The following QSER1 variants were observed in gnomAD, a reference collection of about 807,000 sequenced individuals.
QSER1 encodes the protein glutamine and serine rich 1, also known as glutamine and serine-rich protein 1.
In QSER1, 49 loss-of-function variants were observed where a neutral mutation model predicts 158.5. That is an observed-to-expected ratio of 0.31 (90% CI 0.25 to 0.39). The LOEUF is 0.39. QSER1 is among the 10% of genes least tolerant of loss of function. The probability of loss-of-function intolerance (pLI) is 1.00; values close to 1 mark genes in which losing one functional copy is unlikely to be tolerated. For missense variants in QSER1, 1,754 were observed against 2,010.3 expected (o/e 0.87, Z 2.44); for synonymous variants, 650 against 715.5 (o/e 0.91, Z 1.46).
At chr11:32,907,923 G>GACC (rs944895444) in intron 1 of QSER1, among the ~76,000 whole-genome samples, 48 of 152,150 alleles carry the variant, frequency 3.2e-4, no homozygotes, top group African/African-American at 1.1e-3. Context: ...AACATAGGGA[G>GACC]ACCCTCGTCT....
At chr11:32,971,690 G>A (rs1331300290) in intron 10 of QSER1, among the ~76,000 whole-genome samples, 2 of 152,150 alleles carry the variant, frequency 1.3e-5, no homozygotes, top group Admixed American at 1.3e-4. Context: ...TGCCAAAAGT[G>A]TTATTGTTTC....
At chr11:32,927,426 G>C (rs932835682) in intron 2 of QSER1, among the ~76,000 whole-genome samples, 157 bp downstream of exon 2, 2 of 152,090 alleles carry the variant, frequency 1.3e-5, no homozygotes, top group African/African-American at 4.8e-5. Context: ...TTTTATTTTT[G>C]ACATGGAGTC....
rs1436640374 is a variant in QSER1, at chr11:32,917,892, CTTGTT to C, written c.210-9260_210-9256del. On this transcript the variant is annotated intron_variant, in intron 1 of 12. Coordinates refer to ENST00000650167, the MANE Select transcript of QSER1 (RefSeq NM_001076786.3). ...TCTGTGACTTATGATGTGGAGCTCTCTTGTTTTGTGCTTCAGTAATTAATATCATT... is the reference window on the plus strand; with the variant it reads ...TCTGTGACTTATGATGTGGAGCTCTCTTGTGCTTCAGTAATTAATATCATT... 1.0e-4 allele frequency among the ~76,000 whole-genome samples: 15 copies of C among 150,280 alleles called. 1 individual carries two copies. In the South Asian group the frequency reaches 3.2e-3, roughly 32 times the overall value.
intron 4 of QSER1, among the ~76,000 whole-genome samples, chr11:32,948,330 A>T (rs1852369354): frequency 2.0e-5 from 3 of 152,234 alleles, no homozygotes; most frequent in African/African-American, 7.2e-5. Context: ...ACTCACTCTT[A>T]ACCTCTAGAG....
intron 6 of QSER1, 36 bp from the exon 7 acceptor site, chr11:32,955,952 G>A: frequency 6.4e-7 from 1 of 1,573,882 alleles, no homozygotes; most frequent in Non-Finnish European, 8.7e-7. Context: ...TATCTAGATT[G>A]TTCAATTATG....
intron 9 of QSER1, among the ~76,000 whole-genome samples, chr11:32,966,789 A>G (rs1852757064): frequency 1.3e-5 from 2 of 152,240 alleles, no homozygotes; most frequent in African/African-American, 4.8e-5. Context: ...TGAACCAGAT[A>G]AAAGTGGCAT....
Position 32,977,607 on chromosome 11 carries a change from C to G in QSER1, c.*1133C>G, listed in dbSNP as rs891155481. 6.6e-6 allele frequency: 1 copy of G among 152,596 alleles called. No individual in the cohort carries two copies. The highest frequency in any genetic ancestry group is 2.4e-5 in the African/African-American group (1 of 41,450). The allele number at this position is 152,596 out of a possible 1,614,324, so 9.5% of individuals were successfully genotyped here. ...TCTTAGAACTGGAAGTTGTAGAGCTCTCCTTTTGGTGCCTTTCCAGCCTTT... is the reference window on the plus strand; with the variant it reads ...TCTTAGAACTGGAAGTTGTAGAGCTGTCCTTTTGGTGCCTTTCCAGCCTTT... On this transcript the variant is annotated 3_prime_UTR_variant, in exon 13 of 13. Coordinates refer to ENST00000650167, the MANE Select transcript of QSER1 (RefSeq NM_001076786.3).
rs532497305 is a variant in QSER1, at chr11:32,962,054, C to G, written c.4969+3968C>G. Among the ~76,000 whole-genome samples the G allele has an allele frequency of 2.6e-5, 4 of 152,268 alleles. No individual in the cohort carries two copies. In the East Asian group the frequency reaches 7.7e-4, roughly 29 times the overall value. Reference sequence around the variant, plus strand: ...TCCTATGTTTAGCCTTTAGAGGAACCATCAAACTGTTTTCCACATGGTTAC... The same window carrying G: ...TCCTATGTTTAGCCTTTAGAGGAACGATCAAACTGTTTTCCACATGGTTAC... On this transcript the variant is annotated intron_variant, in intron 8 of 12. Coordinates refer to ENST00000650167, the MANE Select transcript of QSER1 (RefSeq NM_001076786.3).
intron 5 of QSER1, among the ~76,000 whole-genome samples, chr11:32,954,728 C>G (rs1852482983): frequency 6.6e-6 from 1 of 151,970 alleles, no homozygotes; most frequent in Non-Finnish European, 1.5e-5. Context: ...CTATGTTGAC[C>G]AGGCTGGTCT....
intron 7 of QSER1, among the ~76,000 whole-genome samples, chr11:32,957,286 C>T (rs944955738): frequency 2.0e-5 from 3 of 151,640 alleles, no homozygotes; most frequent in Non-Finnish European, 2.9e-5. Flanking sequence ...GGACTACAGG[C>T]GCCCGCCACC....
intron 4 of QSER1, among the ~76,000 whole-genome samples, chr11:32,940,542 G>A: frequency 6.6e-6 from 1 of 151,906 alleles, no homozygotes; most frequent in South Asian, 2.1e-4. Context: ...TTTTTTTTCT[G>A]TTCATCCTAG....
At position 32,933,497 on chromosome 11, in the gene QSER1, G is replaced by C. The variant is rs911899724; in HGVS notation, c.2239G>C (p.Glu747Gln). ...QSVIRSNSRLEDQVIGVALQA... is the reference protein window; with the variant it reads ...QSVIRSNSRLQDQVIGVALQA... ...TGTAATCAGAAGTAATTCCCGTCTT[G>C]AAGATCAAGTTATTGGGGTTGCTCT... is the stretch of plus-strand genomic sequence containing the variant. Residue 747 changes from glutamate (E) to glutamine (Q), a missense_variant, in exon 4 of 13, where the codon GAA becomes CAA. This residue lies in a region of QSER1 where 1,707 missense variants were observed against 1,919.6 expected (regional missense o/e 0.89). Coordinates refer to ENST00000650167, the MANE Select transcript of QSER1 (RefSeq NM_001076786.3). 8 of 1,611,830 alleles carry C rather than the reference G, an allele frequency of 5.0e-6. No homozygotes were observed. Among genetic ancestry groups the C allele is most frequent in the Non-Finnish European group, 6.8e-6 (8 of 1,179,190 alleles).
chr11:32,929,428 G>T (rs1438975691), intron 3 of QSER1, among the ~76,000 whole-genome samples: 1 of 152,140 alleles, frequency 6.6e-6, no homozygotes, highest in Non-Finnish European at 1.5e-5. Flanking sequence ...ATTTGTATCT[G>T]ATCCCATAAG....
intron 4 of QSER1, among the ~76,000 whole-genome samples, chr11:32,943,361 G>C (rs1852272808): frequency 6.7e-6 from 1 of 149,636 alleles, no homozygotes; most frequent in Non-Finnish European, 1.5e-5. Context: ...TATGATATTG[G>C]CTGTGGGTTT....
chr11:32,932,906 A>T lies in QSER1; in HGVS notation c.1648A>T (p.Ser550Cys), dbSNP rs746707795. 1.2e-6 allele frequency: 2 copies of T among 1,613,966 alleles called. No homozygotes were observed. The highest frequency in any genetic ancestry group is 1.7e-6 in the Non-Finnish European group (2 of 1,180,012). Residue 550 changes from serine (S) to cysteine (C), a missense_variant, in exon 4 of 13, where the codon AGT (serine) becomes TGT (cysteine). Transcript: ENST00000650167. ...TCAAACAAGAGATCTGTCTTCAGTA[A>T]GTCAGTCTCAAAGTTACTCATCTGG... is the stretch of plus-strand genomic sequence containing the variant. Reference protein sequence around the residue: ...PAQTRDLSSVSQSQSYSSGHS... With the variant: ...PAQTRDLSSVCQSQSYSSGHS...
intron 1 of QSER1, among the ~76,000 whole-genome samples, chr11:32,917,532 A>T (rs7128509): frequency 0.76 from 116,197 of 152,008 alleles, 45,516 homozygotes; most frequent in East Asian, 0.99. Context: ...ATACTAAAAA[A>T]CCCTATTTTA....
intron 4 of QSER1, among the ~76,000 whole-genome samples, chr11:32,944,126 CTT>C (rs1374640930): frequency 6.6e-6 from 1 of 152,006 alleles, no homozygotes; most frequent in Non-Finnish European, 1.5e-5. Context: ...TCTTCTCTCT[CTT>C]TTTCTTAATT....
chr11:32,933,588 A>G lies in QSER1; in HGVS notation c.2330A>G (p.Gln777Arg). ...SVTQLNQQIG[Q>R]VNNAATLDLK... ...ACACAACTTAACCAACAAATTGGCC[A>G]AGTCAATAATGCAGCTACCCTTGAT... The change falls in exon 4 of 13, where the codon CAA becomes CGA. Residue 777 changes from glutamine (Q) to arginine (R), a missense_variant. Coordinates refer to ENST00000650167, the MANE Select transcript of QSER1 (RefSeq NM_001076786.3). The G allele has an allele frequency of 6.2e-7, 1 of 1,614,070 alleles. No homozygotes were observed. Among genetic ancestry groups the G allele is most frequent in the Non-Finnish European group, 8.5e-7 (1 of 1,179,960 alleles).
intron 4 of QSER1, among the ~76,000 whole-genome samples, chr11:32,936,053 T>A (rs536530030): frequency 1.1e-4 from 16 of 152,316 alleles, no homozygotes; most frequent in African/African-American, 3.1e-4. Flanking sequence ...ATTTTTTTTT[T>A]TATACTTTAA....
Sources: gnomAD v4.1 joint callset for allele counts (sites outside exome capture counted in the v4.1 genomes callset) on GRCh38, gnomAD v4.1.1 for gene constraint, gnomAD v4.1.1 regional missense constraint, MANE v1.5 for transcripts, NCBI Gene and HGNC (gene_info 2026-07-23, HGNC 2026-07-21) for gene names.